ESRRG: variants seen among roughly 807,000 people sequenced by gnomAD.
ESRRG encodes the protein estrogen related receptor gamma.
In ESRRG, 13 loss-of-function variants were observed where a neutral mutation model predicts 44.0. The observed-to-expected ratio is 0.30, with a 90% CI of 0.19 to 0.47. The LOEUF (loss-of-function observed/expected upper bound fraction) is 0.47. Ranked by LOEUF, ESRRG falls within the 20% of genes least tolerant of loss-of-function variation. The pLI is 1.00. For missense variants in ESRRG, 395 were observed against 580.6 expected (o/e 0.68, Z 3.29); for synonymous variants, 215 against 214.6 (o/e 1.00, Z -0.02).
chr1:216,505,068 T>C lies in ESRRG; in HGVS notation c.*1871A>G, dbSNP rs562066773. The C allele has an allele frequency of 6.5e-6, 1 of 152,756 alleles. No individual in the cohort carries two copies. The highest frequency in any genetic ancestry group is 1.9e-4 in the East Asian group (1 of 5,182). 9.5% of individuals were successfully genotyped at this position (152,756 alleles called of 1,614,324 possible). A position where few individuals can be genotyped will look rare whatever the true frequency, so the allele number is the denominator to read the frequency against. On this transcript the variant is annotated 3_prime_UTR_variant, in exon 7 of 7. Transcript: ENST00000408911. ...AGAAAAGCACAGCAAACATGAAACA[T>C]TGAAAAGCTGAACTACATTTCTTTT... is the stretch of plus-strand genomic sequence containing the variant.
chr1:216,979,108 G>A (rs2073484481), intron 1 of ESRRG, among the ~76,000 whole-genome samples: 1 of 151,974 alleles, frequency 6.6e-6, no homozygotes. Flanking sequence ...CACAAATATA[G>A]CTTAGACTGG....
intron 1 of ESRRG, among the ~76,000 whole-genome samples, chr1:216,978,818 G>C (rs1234943839): frequency 6.6e-6 from 1 of 152,166 alleles, no homozygotes; most frequent in African/African-American, 2.4e-5. Context: ...GCTTCTCAAA[G>C]AAGGAGGCCA....
At chr1:216,529,885 G>GTGGAT (rs1168581303) in intron 5 of ESRRG, among the ~76,000 whole-genome samples, 2 of 151,930 alleles carry the variant, frequency 1.3e-5, no homozygotes, top group Non-Finnish European at 2.9e-5. Context: ...GCCCAGGTGA[G>GTGGAT]TGGATCACTT....
rs770354970 is a variant in ESRRG, at chr1:216,519,329, A to C, written c.955T>G (p.Ser319Ala). The C allele has an allele frequency of 2.5e-6, 4 of 1,613,870 alleles. No homozygotes were observed. The highest frequency in any genetic ancestry group is 3.4e-6 in the Non-Finnish European group (4 of 1,179,856). The change falls in exon 6 of 7, where the codon TCG becomes GCG. Residue 319 changes from serine to alanine, a missense_variant. Physicochemically the swap from Ser to Ala is moderately conservative, Grantham distance 99. This residue lies in a region of ESRRG where 167 missense variants were observed against 251.8 expected (regional missense o/e 0.66). Coordinates refer to ENST00000408911, the MANE Select transcript of ESRRG (RefSeq NM_001438.4). ...LILGVVYRSL[S>A]FEDELVYADD... ...GCATAGACAAGTTCATCCTCAAACG[A>C]AAGAGACCGGTATACGACACCAAGG... is the stretch of plus-strand genomic sequence containing the variant.
chr1:217,013,609 C>G (rs1205171240), intron 1 of ESRRG, among the ~76,000 whole-genome samples: 2 of 152,134 alleles, frequency 1.3e-5, no homozygotes, highest in Non-Finnish European at 2.9e-5. Context: ...TATCACTTAC[C>G]CCTGAAGTGT....
chr1:216,978,867 C>T (rs1334258402), intron 1 of ESRRG, among the ~76,000 whole-genome samples: 3 of 152,016 alleles, frequency 2.0e-5, no homozygotes, highest in African/African-American at 7.2e-5. Context: ...GCTTTTTTTC[C>T]CCAGAGAGCT....
chr1:216,793,593 A>G (rs1163207382), intron 2 of ESRRG, among the ~76,000 whole-genome samples: 1 of 152,118 alleles, frequency 6.6e-6, no homozygotes, highest in African/African-American at 2.4e-5. Flanking sequence ...CTTGAGTGCA[A>G]CCTCATGAGA....
intron 1 of ESRRG, among the ~76,000 whole-genome samples, chr1:216,965,851 C>T (rs2070230526): frequency 6.6e-6 from 1 of 152,140 alleles, no homozygotes; most frequent in African/African-American, 2.4e-5. Context: ...TCTAAGAAGT[C>T]TGTGGATTCT....
At position 216,680,803 on chromosome 1, in the gene ESRRG, T is replaced by C. The variant is rs78006663; in HGVS notation, c.57-3312A>G. 2.4e-3 allele frequency among the ~76,000 whole-genome samples: 368 copies of C among 152,324 alleles called. 9 individuals are homozygous for C. The East Asian group carries it at 0.058, about 24-fold the overall frequency. ...TTCAAGTCTGAAATATTCACAACTA[T>C]CTATAAATTCAATTGTCAGCTGGTG... On this transcript the variant is annotated intron_variant, in intron 1 of 6. Coordinates refer to ENST00000408911, the MANE Select transcript of ESRRG (RefSeq NM_001438.4).
At chr1:216,988,829 A>G (rs2075264757) in intron 1 of ESRRG, among the ~76,000 whole-genome samples, 1 of 152,184 alleles carries the variant, frequency 6.6e-6, no homozygotes, top group Admixed American at 6.5e-5. Flanking sequence ...CACAGCCCCA[A>G]GGAGAATGTC....
intron 2 of ESRRG, among the ~76,000 whole-genome samples, chr1:216,760,102 G>A (rs1017802811): frequency 6.6e-6 from 1 of 152,054 alleles, no homozygotes; most frequent in African/African-American, 2.4e-5. Flanking sequence ...TAAGCACCAT[G>A]AGGGATAGGG....
chr1:216,720,413 T>C (rs1465619234), intron 1 of ESRRG, among the ~76,000 whole-genome samples: 2 of 152,074 alleles, frequency 1.3e-5, no homozygotes, highest in Non-Finnish European at 2.9e-5. Flanking sequence ...AGAAAAGTCA[T>C]GTGAGCTCCA....
intron 1 of ESRRG, among the ~76,000 whole-genome samples, chr1:217,082,153 C>A (rs140008077): frequency 1.3e-5 from 2 of 152,176 alleles, no homozygotes; most frequent in African/African-American, 2.4e-5. Flanking sequence ...TGCTTCCTCC[C>A]TGAAGTAATA....
intron 2 of ESRRG, among the ~76,000 whole-genome samples, chr1:216,842,671 G>A (rs2095670508): frequency 1.3e-5 from 2 of 152,174 alleles, no homozygotes; most frequent in Admixed American, 1.3e-4. Flanking sequence ...AGGCAACCCA[G>A]CCAAAGATCA....
chr1:216,817,121 T>A (rs573556198), intron 2 of ESRRG, among the ~76,000 whole-genome samples: 1 of 150,386 alleles, frequency 6.6e-6, no homozygotes, highest in African/African-American at 2.4e-5. Context: ...AAAGGCGAAA[T>A]ATTTTGGCAA....
At chr1:216,608,037 G>A (rs144184264) in intron 3 of ESRRG, among the ~76,000 whole-genome samples, 20 of 152,228 alleles carry the variant, frequency 1.3e-4, no homozygotes, top group Admixed American at 1.0e-3. Context: ...TCAGTAAAAT[G>A]GACTTCATAG....
intron 1 of ESRRG, among the ~76,000 whole-genome samples, chr1:217,026,863 G>A (rs561902180): frequency 7.4e-6 from 1 of 134,864 alleles, no homozygotes; most frequent in Non-Finnish European, 1.6e-5. Context: ...CCCCACCCCC[G>A]ACCACACACA....
intron 1 of ESRRG, among the ~76,000 whole-genome samples, chr1:216,988,356 T>C (rs1348922668): frequency 6.6e-6 from 1 of 152,246 alleles, no homozygotes; most frequent in Non-Finnish European, 1.5e-5. Flanking sequence ...GGATTACCTG[T>C]AAAAGACTAT....
rs570348062 is a variant in ESRRG at position 216,562,450 on chromosome 1, C to G, written c.862+1769G>C. Among the ~76,000 whole-genome samples the G allele has an allele frequency of 8.5e-5, 13 of 152,138 alleles. No individual in the cohort carries two copies. In the East Asian group the frequency reaches 2.3e-3, roughly 27 times the overall value. On this transcript the variant is annotated intron_variant, in intron 5 of 6. Transcript: ENST00000408911. ...ATCTTTGAATTGAGAATAATAATAC[C>G]TGATTCCTGGGTTAGAACAGTGGTT...
Sources: allele counts gnomAD v4.1 joint callset (sites outside exome capture counted in the v4.1 genomes callset), GRCh38; gene constraint gnomAD v4.1.1; regional missense constraint gnomAD v4.1.1; transcripts MANE v1.5; gene names NCBI Gene and HGNC (gene_info 2026-07-23, HGNC 2026-07-21).